TRAF6: variants seen among roughly 807,000 people sequenced by gnomAD.
The protein encoded by TRAF6 is TNF receptor associated factor 6.
TRAF6 carries 10 observed loss-of-function variants against 48.4 expected under a neutral mutation model. The observed-to-expected ratio is 0.21, with a 90% confidence interval of 0.13 to 0.35. The LOEUF is 0.35. Among genes scored for constraint, TRAF6 ranks in the 10% least tolerant of loss-of-function variants. The pLI is 1.00. For missense variants in TRAF6, 397 were observed against 661.0 expected (o/e 0.60, Z 4.38); for synonymous variants, 186 against 219.6 (o/e 0.85, Z 1.35).
At chr11:36,509,381 AC>A (rs1859866413) in intron 1 of TRAF6, among the ~76,000 whole-genome samples, 1 of 151,206 alleles carries the variant, frequency 6.6e-6, no homozygotes, top group Non-Finnish European at 1.5e-5. Flanking sequence ...CGCTCGAACT[AC>A]CGAGTTTAGG....
chr11:36,499,375 G>A (rs1859685483), intron 2 of TRAF6, among the ~76,000 whole-genome samples: 2 of 151,904 alleles, frequency 1.3e-5, no homozygotes, highest in Non-Finnish European at 1.5e-5. Context: ...AAGAACACTG[G>A]GGCTAAGTGT....
intron 1 of TRAF6, among the ~76,000 whole-genome samples, chr11:36,505,406 T>A (rs927876975): frequency 1.3e-5 from 2 of 152,236 alleles, no homozygotes; most frequent in African/African-American, 4.8e-5. Flanking sequence ...TTAAACCTCA[T>A]AAACCAATCT....
rs1254716560 is a variant in TRAF6 at position 36,507,578 on chromosome 11, C to T, written c.-23+2470G>A. Among the ~76,000 whole-genome samples the T allele has an allele frequency of 8.9e-3, 9 of 1,006 alleles. 3 individuals are homozygous for T. Among genetic ancestry groups the T allele is most frequent in the African/African-American group, 0.01 (9 of 886 alleles). 0.7% of individuals were successfully genotyped at this position (1,006 alleles called of 152,430 possible). ...ACGTATATATACATGTATATGTATA[C>T]ATACACGCGCGTGTATATATGTATA... On this transcript the variant is annotated intron_variant, in intron 1 of 6. Transcript: ENST00000526995.
chr11:36,498,447 TC>T, intron 3 of TRAF6, 42 bp downstream of exon 3: 1 of 1,572,044 alleles, frequency 6.4e-7, no homozygotes, highest in Non-Finnish European at 8.6e-7. Flanking sequence ...TGTAGGAACT[TC>T]CTTTTATACA....
chr11:36,499,579 A>G (rs1482921522), intron 2 of TRAF6, among the ~76,000 whole-genome samples: 1 of 152,150 alleles, frequency 6.6e-6, no homozygotes, highest in Non-Finnish European at 1.5e-5. Context: ...AGCCTGGGAG[A>G]CAGAGCAAGA....
At chr11:36,499,918 G>A (rs375290725) in intron 2 of TRAF6, among the ~76,000 whole-genome samples, 1 of 152,076 alleles carries the variant, frequency 6.6e-6, no homozygotes, top group African/African-American at 2.4e-5. Flanking sequence ...TTTTTGTCCT[G>A]TATAGGACTC....
intron 4 of TRAF6, among the ~76,000 whole-genome samples, chr11:36,495,278 T>A (rs1349648627): frequency 1.3e-5 from 2 of 152,340 alleles, no homozygotes; most frequent in Middle Eastern, 3.4e-3. Context: ...CAGGGTAGTA[T>A]ATAAAAAATA....
intron 1 of TRAF6, among the ~76,000 whole-genome samples, chr11:36,503,205 A>G (rs5030437): frequency 0.78 from 118,856 of 152,110 alleles, 47,239 homozygotes; most frequent in East Asian, 0.87. Context: ...GGCCACAGCT[A>G]CTATTAAACA....
rs961435953 is a variant in TRAF6, at chr11:36,495,114, T to C, written c.607-67A>G. ...CTGAAAAAGTGAAAACAACTAATTT[T>C]GATAAAAAGCAATTTTTCACTATAA... On this transcript the variant is annotated intron_variant, in intron 4 of 6. Coordinates refer to ENST00000526995, the MANE Select transcript of TRAF6 (RefSeq NM_004620.4). 11 of 1,255,188 alleles carry C rather than the reference T, an allele frequency of 8.8e-6. No homozygotes were observed. The Middle Eastern group carries it at 9.6e-4, about 109-fold the overall frequency. The allele number at this position is 1,255,188 out of a possible 1,614,324, so 77.8% of individuals were successfully genotyped here. A position where few individuals can be genotyped will look rare whatever the true frequency, so the allele number is the denominator to read the frequency against.
chr11:36,497,418 T>G (rs937593861), intron 3 of TRAF6, 152 bp from the exon 4 acceptor site: 2 of 666,772 alleles, frequency 3.0e-6, no homozygotes. Flanking sequence ...TGAACGTCTT[T>G]AGCGAATTTT....
chr11:36,504,310 T>C (rs1859757503), intron 1 of TRAF6, among the ~76,000 whole-genome samples: 1 of 152,226 alleles, frequency 6.6e-6, no homozygotes. Context: ...ATTCTCCCAC[T>C]ACTTTATCAA....
At chr11:36,498,325 C>T (rs1342060675) in intron 3 of TRAF6, among the ~76,000 whole-genome samples, 165 bp downstream of exon 3, 2 of 152,166 alleles carry the variant, frequency 1.3e-5, no homozygotes, top group African/African-American at 4.8e-5. Context: ...TTTCTACTTA[C>T]ATTTATATTC....
Position 36,489,700 on chromosome 11 carries a change from G to A in TRAF6, c.*138C>T. The A allele has an allele frequency of 3.2e-6, 3 of 949,216 alleles. No homozygotes were observed. In the South Asian group the frequency reaches 5.1e-5, roughly 16 times the overall value. The allele number at this position is 949,216 out of a possible 1,614,324, so 58.8% of individuals were successfully genotyped here. Reference sequence around the variant, plus strand: ...AGATCATTTGTAACAGGAAGAAATAGTAAGTGACCTCTCTAACAACACTCA... The same window carrying A: ...AGATCATTTGTAACAGGAAGAAATAATAAGTGACCTCTCTAACAACACTCA... On this transcript the variant is annotated 3_prime_UTR_variant, in exon 7 of 7. Coordinates refer to ENST00000526995, the MANE Select transcript of TRAF6 (RefSeq NM_004620.4).
At chr11:36,496,333 T>C (rs987027612) in intron 4 of TRAF6, 6 of 152,138 alleles carry the variant, frequency 3.9e-5, no homozygotes, top group African/African-American at 1.4e-4. Context: ...ATCCCAGCAC[T>C]TTGGGAGGCC....
chr11:36,503,358 G>T (rs502243), intron 1 of TRAF6, among the ~76,000 whole-genome samples: 24,593 of 149,464 alleles, frequency 0.16, 2,207 homozygotes, highest in African/African-American at 0.24. Context: ...GCAATGGCAC[G>T]ATCTCGACTC....
In TRAF6 at chr11:36,488,767, G is replaced by T. The variant is rs891004075; in HGVS notation, c.*1071C>A. On this transcript the variant is annotated 3_prime_UTR_variant, in exon 7 of 7. Transcript: ENST00000526995. Reference sequence around the variant, plus strand: ...CACTGTGACTTCTAATCCTAGTTTGGTGACCTCCTAGGTATCTCCAATCAT... The same window carrying T: ...CACTGTGACTTCTAATCCTAGTTTGTTGACCTCCTAGGTATCTCCAATCAT... The T allele has an allele frequency of 2.0e-5, 3 of 152,076 alleles. No homozygotes were observed. The highest frequency in any genetic ancestry group is 2.9e-5 in the Non-Finnish European group (2 of 67,996). 9.4% of individuals were successfully genotyped at this position (152,076 alleles called of 1,614,324 possible).
intron 5 of TRAF6, 108 bp downstream of exon 5, chr11:36,494,868 C>A: frequency 1.3e-6 from 1 of 745,324 alleles, no homozygotes. Flanking sequence ...TCTAATACTT[C>A]TTCAATCTGT....
rs747033538 is a variant in TRAF6, at chr11:36,497,180, A to G, written c.534T>C (p.Ile178=). 1 of 1,614,066 alleles carries G rather than the reference A, an allele frequency of 6.2e-7. No individual in the cohort carries two copies. The highest frequency in any genetic ancestry group is 8.5e-7 in the Non-Finnish European group (1 of 1,179,964). Residue 178 remains isoleucine, a synonymous_variant, in exon 4 of 7, where the codon ATT becomes ATC. Transcript: ENST00000526995. The part of the protein sequence containing the change: ...PFQKFHINIH[I]LKDCPRRQVS... ...CCTGTCTCCTTGGACAATCCTTCAG[A>G]ATGTGAATATTAATATGGAATTTTT...
chr11:36,497,672 T>C (rs990684790), intron 3 of TRAF6, among the ~76,000 whole-genome samples: 13 of 152,300 alleles, frequency 8.5e-5, no homozygotes, highest in Non-Finnish European at 1.8e-4. Context: ...AAGCTAATAA[T>C]TGATCTATTT....
Sources: gnomAD v4.1 joint callset for allele counts (sites outside exome capture counted in the v4.1 genomes callset) on GRCh38, gnomAD v4.1.1 for gene constraint, MANE v1.5 for transcripts, NCBI Gene and HGNC (gene_info 2026-07-23, HGNC 2026-07-21) for gene names.